The following RALGPS1 variants were observed in gnomAD, a reference collection of about 807,000 sequenced individuals.
The protein encoded by RALGPS1 is ras-specific guanine nucleotide-releasing factor RalGPS1.
RALGPS1 carries 19 observed loss-of-function variants against 78.8 expected under a neutral mutation model. The ratio of observed to expected loss-of-function variants is 0.24; its 90% CI spans 0.17 to 0.35. RALGPS1 has a LOEUF of 0.35. Among genes scored for constraint, RALGPS1 ranks in the 10% least tolerant of loss-of-function variants. The probability of loss-of-function intolerance (pLI) is 1.00; values close to 1 mark genes in which losing one functional copy is unlikely to be tolerated. For missense variants in RALGPS1, 454 were observed against 688.3 expected, an observed-to-expected ratio of 0.66 and a Z score of 3.81; for synonymous variants, 228 against 256.3, an observed-to-expected ratio of 0.89 and a Z score of 1.06.
chr9:127,045,696 A>G (rs1396306158), intron 5 of RALGPS1, among the ~76,000 whole-genome samples: 1 of 148,944 alleles, frequency 6.7e-6, no homozygotes, highest in African/African-American at 2.5e-5. Flanking sequence ...TACATATAGA[A>G]ATCTTTACAG....
intron 8 of RALGPS1, among the ~76,000 whole-genome samples, chr9:127,162,334 T>C (rs966025481): frequency 2.0e-5 from 3 of 152,250 alleles, no homozygotes; most frequent in Non-Finnish European, 4.4e-5. Context: ...AGCTCAGCAC[T>C]GTGCCTGACA....
At chr9:127,020,105 T>C (rs1253627682) in intron 4 of RALGPS1, among the ~76,000 whole-genome samples, 1 of 152,160 alleles carries the variant, frequency 6.6e-6, no homozygotes, top group Non-Finnish European at 1.5e-5. Context: ...TTTCCGTCAC[T>C]TTTTGTGCTG....
At position 126,975,099 on chromosome 9, in the gene RALGPS1, T is replaced by C. The variant is rs145019947; in HGVS notation, c.166-2596T>C. Among the ~76,000 whole-genome samples, 4 of 152,352 alleles carry C rather than the reference T, an allele frequency of 2.6e-5. No homozygotes were observed. The East Asian group carries it at 7.7e-4, about 29-fold the overall frequency. On this transcript the variant is annotated intron_variant, in intron 3 of 18. Transcript: ENST00000259351. The stretch of plus-strand genomic sequence containing the variant: ...GAAATCGATAATCTGATGATCTTTG[T>C]AAGTATCTTGTATCAAAATATCCTT...
intron 4 of RALGPS1, among the ~76,000 whole-genome samples, chr9:127,023,642 G>A: frequency 6.6e-6 from 1 of 152,164 alleles, no homozygotes; most frequent in East Asian, 1.9e-4. Flanking sequence ...CAGGGGACCT[G>A]CATGCACTTG....
In RALGPS1 at chr9:127,174,689, G is replaced by A. The variant is rs118111217; in HGVS notation, c.843-26G>A. The A allele has an allele frequency of 1.2e-3, 1,894 of 1,611,682 alleles. 38 individuals carry two copies. The East Asian group carries it at 0.036, about 30-fold the overall frequency. On this transcript the variant is annotated intron_variant, in intron 10 of 18. Transcript: ENST00000259351. ...CTGTGTGGTAAACCAGAGCCCATCT[G>A]ATCTTATGAAAATCTTTGTTTTCAG...
intron 1 of RALGPS1, among the ~76,000 whole-genome samples, chr9:126,949,995 G>A (rs552431182): frequency 1.3e-5 from 2 of 152,092 alleles, no homozygotes; most frequent in East Asian, 1.9e-4. Flanking sequence ...TTTGTATAAG[G>A]TGTAAGGAAG....
At chr9:126,923,672 T>C (rs1271870572) in intron 1 of RALGPS1, among the ~76,000 whole-genome samples, 1 of 152,196 alleles carries the variant, frequency 6.6e-6, no homozygotes, top group East Asian at 1.9e-4. Flanking sequence ...TGTGTTCTTG[T>C]TGAGAAGACA....
rs571824424 is a variant in RALGPS1, at chr9:127,108,995, A to AG, written c.610+39642dup. On this transcript the variant is annotated intron_variant, in intron 8 of 18. Coordinates refer to ENST00000259351, the MANE Select transcript of RALGPS1 (RefSeq NM_014636.3). ...CCAGCAGAGGTAGAAGGGAAGAGGG[A>AG]GGGTCTCAGGGCATCTGAAGGCAGG... Among the ~76,000 whole-genome samples the AG allele has an allele frequency of 1.9e-4, 29 of 152,292 alleles. 1 individual carries two copies. The East Asian group carries it at 2.5e-3, about 13-fold the overall frequency.
intron 7 of RALGPS1, among the ~76,000 whole-genome samples, chr9:127,066,847 C>G (rs1262687356): frequency 1.3e-5 from 2 of 152,126 alleles, no homozygotes; most frequent in African/African-American, 4.8e-5. Flanking sequence ...GGGTCTTGCT[C>G]TGTCACCCAG....
At chr9:127,097,348 T>A (rs1054349580) in intron 8 of RALGPS1, among the ~76,000 whole-genome samples, 27 of 152,246 alleles carry the variant, frequency 1.8e-4, no homozygotes, top group African/African-American at 6.5e-4. Context: ...TGTAGAAATG[T>A]TTAGTATTTT....
intron 13 of RALGPS1, 46 bp downstream of exon 13, chr9:127,196,677 C>A: frequency 6.6e-7 from 1 of 1,522,880 alleles, no homozygotes; most frequent in South Asian, 1.3e-5. Flanking sequence ...GGCTGTAGGC[C>A]CAGCGTGTGC....
At chr9:127,141,852 A>C (rs1009231725) in intron 8 of RALGPS1, among the ~76,000 whole-genome samples, 2 of 152,110 alleles carry the variant, frequency 1.3e-5, no homozygotes, top group African/African-American at 4.8e-5. Flanking sequence ...TTTTTATTGC[A>C]TGTTTTACTT....
chr9:127,214,992 A>AAGGGGGTGCCTTGTCT, intron 18 of RALGPS1, 150 bp downstream of exon 18: 2 of 1,346,498 alleles, frequency 1.5e-6, no homozygotes, highest in Non-Finnish European at 2.0e-6. Context: ...TTCCCTTGAG[A>AAGGGGGTGCCTTGTCT]CAAGGCACCC....
At chr9:127,006,995 T>A (rs1015175962) in intron 4 of RALGPS1, among the ~76,000 whole-genome samples, 11 of 152,170 alleles carry the variant, frequency 7.2e-5, no homozygotes, top group Non-Finnish European at 1.6e-4. Flanking sequence ...AAAAGATTTT[T>A]AAAATTTAAC....
chr9:126,979,164 TAGG>T (rs2040970886), intron 4 of RALGPS1, among the ~76,000 whole-genome samples: 1 of 152,016 alleles, frequency 6.6e-6, no homozygotes, highest in Non-Finnish European at 1.5e-5. Context: ...TACTAAAAAT[TAGG>T]AGGAAACTAG....
chr9:127,077,927 G>A (rs1221934681), intron 8 of RALGPS1, among the ~76,000 whole-genome samples: 1 of 152,204 alleles, frequency 6.6e-6, no homozygotes, highest in Admixed American at 6.5e-5. Context: ...CTTAAGGCTG[G>A]ATTCTGGTCT....
chr9:127,192,963 G>T (rs2061153800), intron 11 of RALGPS1, among the ~76,000 whole-genome samples: 1 of 152,244 alleles, frequency 6.6e-6, no homozygotes, highest in Non-Finnish European at 1.5e-5. Flanking sequence ...TTGGCAAGAA[G>T]GAGGTCAGTG....
At chr9:127,107,548 C>T (rs1353401822) in intron 8 of RALGPS1, among the ~76,000 whole-genome samples, 1 of 152,192 alleles carries the variant, frequency 6.6e-6, no homozygotes, top group Non-Finnish European at 1.5e-5. Flanking sequence ...CAACCCTGTG[C>T]CAGGCACAGT....
At chr9:127,158,184 G>A (rs2027312) in intron 8 of RALGPS1, among the ~76,000 whole-genome samples, 68,696 of 151,590 alleles carry the variant, frequency 0.45, 16,245 homozygotes, top group South Asian at 0.63. Flanking sequence ...TTTCTTTTAC[G>A]GTTTTATGCA....
Sources: gnomAD v4.1 joint callset for allele counts (sites outside exome capture counted in the v4.1 genomes callset) on GRCh38, gnomAD v4.1.1 for gene constraint, MANE v1.5 for transcripts, NCBI Gene and HGNC (gene_info 2026-07-23, HGNC 2026-07-21) for gene names.